BICD1: variants seen among roughly 807,000 people sequenced by gnomAD.
BICD1 encodes protein bicaudal D homolog 1.
Under a neutral mutation model 92.5 loss-of-function variants are expected in BICD1, and 35 were observed. That is an observed-to-expected ratio of 0.38 (90% confidence interval 0.29 to 0.50). The LOEUF (loss-of-function observed/expected upper bound fraction) is 0.50. Among genes scored for constraint, BICD1 ranks in the 20% least tolerant of loss-of-function variants. BICD1 has a pLI of 0.93. For missense variants in BICD1, 950 were observed against 1,189.8 expected, an observed-to-expected ratio of 0.80 and a Z score of 2.97; for synonymous variants, 429 against 465.1, an observed-to-expected ratio of 0.92 and a Z score of 1.00.
intron 1 of BICD1, among the ~76,000 whole-genome samples, chr12:32,117,709 TATAC>T (rs1565526174): frequency 2.3e-5 from 2 of 85,206 alleles, no homozygotes; most frequent in African/African-American, 5.8e-5. Context: ...CACAAATATA[TATAC>T]ACACACACAC....
At chr12:32,318,109 C>T (rs1948553629) in intron 4 of BICD1, among the ~76,000 whole-genome samples, 2 of 151,702 alleles carry the variant, frequency 1.3e-5, no homozygotes, top group Non-Finnish European at 3.0e-5. Flanking sequence ...GTTTTGGTTA[C>T]TGTAGCCTTG....
At chr12:32,297,276 C>T (rs1010179304) in intron 3 of BICD1, among the ~76,000 whole-genome samples, 1 of 152,124 alleles carries the variant, frequency 6.6e-6, no homozygotes, top group Non-Finnish European at 1.5e-5. Context: ...GGCTTAATCT[C>T]GGCTCACTGC....
intron 1 of BICD1, among the ~76,000 whole-genome samples, chr12:32,210,884 A>G (rs779081932): frequency 2.6e-5 from 4 of 152,170 alleles, no homozygotes; most frequent in Non-Finnish European, 5.9e-5. Flanking sequence ...CTTGAAAAAC[A>G]TTGTTTCCTT....
chr12:32,340,485 G>A, intron 8 of BICD1: 3 of 984,308 alleles, frequency 3.0e-6, no homozygotes, highest in Non-Finnish European at 3.6e-6. Flanking sequence ...AATGGATTTA[G>A]TAGCACTATC....
At position 32,342,264 on chromosome 12, in the gene BICD1, T is replaced by C. The variant is rs1809888; in HGVS notation, c.2764+3285T>C. Among the ~76,000 whole-genome samples the C allele has an allele frequency of 0.022, 3,206 of 145,136 alleles. 241 individuals are homozygous for C. In the East Asian group the frequency reaches 0.27, roughly 12 times the overall value. ...GTTTTGGGGGTTTGTTTTTTTTTCTTTTTTTTTTGAGACGGAGTTTTCCTC... is the reference window on the plus strand; with the variant it reads ...GTTTTGGGGGTTTGTTTTTTTTTCTCTTTTTTTTGAGACGGAGTTTTCCTC... On this transcript the variant is annotated intron_variant, in intron 8 of 9. Coordinates refer to ENST00000652176, the MANE Select transcript of BICD1 (RefSeq NM_001714.4).
At chr12:32,207,538 T>C (rs1358668152) in intron 1 of BICD1, among the ~76,000 whole-genome samples, 1 of 152,244 alleles carries the variant, frequency 6.6e-6, no homozygotes, top group Non-Finnish European at 1.5e-5. Context: ...ACATCTCATT[T>C]AAAATGCATG....
intron 1 of BICD1, among the ~76,000 whole-genome samples, chr12:32,172,965 C>T (rs1477624355): frequency 6.6e-6 from 1 of 152,210 alleles, no homozygotes; most frequent in East Asian, 1.9e-4. Context: ...ATACCAACAA[C>T]ATAAAGTGCC....
intron 8 of BICD1, among the ~76,000 whole-genome samples, chr12:32,355,573 A>G (rs182271528): frequency 2.0e-3 from 301 of 152,246 alleles, no homozygotes; most frequent in East Asian, 0.019. Context: ...AGGCTGAGGC[A>G]GGCGGATTGC....
intron 2 of BICD1, among the ~76,000 whole-genome samples, chr12:32,255,838 G>A (rs548349194): frequency 6.6e-6 from 1 of 152,300 alleles, no homozygotes; most frequent in Admixed American, 6.5e-5. Flanking sequence ...TGTGCCAGAT[G>A]CTTTGCTGGA....
At chr12:32,195,293 C>T (rs12578699) in intron 1 of BICD1, among the ~76,000 whole-genome samples, 38,031 of 151,986 alleles carry the variant, frequency 0.25, 5,238 homozygotes, top group Non-Finnish European at 0.32. Context: ...TGCAAAAGAC[C>T]CCAAGTAACC....
intron 1 of BICD1, among the ~76,000 whole-genome samples, chr12:32,187,571 C>T (rs548831259): frequency 5.4e-4 from 82 of 152,182 alleles, no homozygotes; most frequent in African/African-American, 2.0e-3. Flanking sequence ...ACTCAGGAGG[C>T]TGAGGCATGA....
chr12:32,147,435 G>A (rs1381926315), intron 1 of BICD1, among the ~76,000 whole-genome samples: 1 of 152,106 alleles, frequency 6.6e-6, no homozygotes, highest in Non-Finnish European at 1.5e-5. Flanking sequence ...TTGGATATTT[G>A]ATTAATTATC....
intron 1 of BICD1, chr12:32,108,682 C>T (rs1207244130): frequency 2.9e-6 from 2 of 697,012 alleles, no homozygotes; most frequent in Non-Finnish European, 5.2e-6. Context: ...AATCAACTTG[C>T]CTTCCAATTT....
rs545571191 is a variant in BICD1 at position 32,187,845 on chromosome 12, A to G, written c.214-28402A>G. 3.3e-5 allele frequency among the ~76,000 whole-genome samples: 5 copies of G among 152,330 alleles called. No homozygotes were observed. The South Asian group carries it at 8.3e-4, about 25-fold the overall frequency. On this transcript the variant is annotated intron_variant, in intron 1 of 9. Coordinates refer to ENST00000652176, the MANE Select transcript of BICD1 (RefSeq NM_001714.4). ...CATCACACAATATATCCATCTAACAAACCTGCACATGTACCCCTGAATCTA... is the reference window on the plus strand; with the variant it reads ...CATCACACAATATATCCATCTAACAGACCTGCACATGTACCCCTGAATCTA...
chr12:32,285,214 G>A (rs1302635227), intron 2 of BICD1, among the ~76,000 whole-genome samples: 1 of 152,132 alleles, frequency 6.6e-6, no homozygotes, highest in Admixed American at 6.5e-5. Context: ...GCTCACCCAG[G>A]GGTAATCAAT....
At chr12:32,375,549 T>C (rs1408010929) in intron 9 of BICD1, among the ~76,000 whole-genome samples, 1 of 152,082 alleles carries the variant, frequency 6.6e-6, no homozygotes, top group Non-Finnish European at 1.5e-5. Context: ...CAAATGAAAC[T>C]ATGCGCTATT....
intron 2 of BICD1, among the ~76,000 whole-genome samples, chr12:32,253,922 C>T (rs118023380): frequency 2.6e-4 from 37 of 142,768 alleles, no homozygotes; most frequent in Non-Finnish European, 3.1e-4. Flanking sequence ...CTGCCATAAT[C>T]ACTGCTGTAT....
chr12:32,130,779 C>CT (rs893399524), intron 1 of BICD1, among the ~76,000 whole-genome samples: 5 of 151,966 alleles, frequency 3.3e-5, no homozygotes, highest in Non-Finnish European at 1.5e-5. Context: ...TATGCTCATT[C>CT]TTTTTTTAAC....
intron 2 of BICD1, among the ~76,000 whole-genome samples, chr12:32,267,140 T>C (rs943348337): frequency 1.4e-4 from 21 of 152,330 alleles, no homozygotes; most frequent in African/African-American, 5.1e-4. Flanking sequence ...TGATAGGTGT[T>C]ACCATGCAAT....
Sources: allele counts gnomAD v4.1 joint callset (sites outside exome capture counted in the v4.1 genomes callset), GRCh38; gene constraint gnomAD v4.1.1; transcripts MANE v1.5; gene names NCBI Gene and HGNC (gene_info 2026-07-23, HGNC 2026-07-21).